Variants in TDRD7 observed in about 807,000 individuals in gnomAD.
The protein encoded by TDRD7 is tudor domain-containing protein 7.
TDRD7 carries 47 observed loss-of-function variants against 109.8 expected under a neutral mutation model. That is an observed-to-expected ratio of 0.43 (90% confidence interval 0.34 to 0.55). The LOEUF (loss-of-function observed/expected upper bound fraction) is 0.55, where lower values mean the gene tolerates loss of function less well. Among genes scored for constraint, TDRD7 ranks in the 20% least tolerant of loss-of-function variants. The pLI, the probability that TDRD7 is intolerant of heterozygous loss-of-function variation, is 0.03. For synonymous variants in TDRD7, 424 were observed against 457.3 expected (o/e 0.93, Z 0.93); for missense variants, 1,164 against 1,319.2 (o/e 0.88, Z 1.82).
intron 16 of TDRD7, among the ~76,000 whole-genome samples, chr9:97,488,198 C>T (rs1337911570): frequency 6.6e-6 from 1 of 152,328 alleles, no homozygotes; most frequent in East Asian, 1.9e-4. Flanking sequence ...ACCCAGAGGC[C>T]TTGTAGCGTT....
At chr9:97,464,684 A>G (rs1485534879) in intron 7 of TDRD7, among the ~76,000 whole-genome samples, 158 bp from the exon 8 acceptor site, 2 of 152,128 alleles carry the variant, frequency 1.3e-5, no homozygotes, top group African/African-American at 2.4e-5. Context: ...AGAGATAAGT[A>G]TTTCACTGAA....
chr9:97,486,769 G>A (rs988209484), intron 15 of TDRD7, among the ~76,000 whole-genome samples: 3 of 151,970 alleles, frequency 2.0e-5, no homozygotes, highest in African/African-American at 2.4e-5. Context: ...TCTTTCCATC[G>A]TCCAAGCATG....
chr9:97,433,388 G>A (rs1828138224), intron 4 of TDRD7, among the ~76,000 whole-genome samples: 1 of 151,894 alleles, frequency 6.6e-6, no homozygotes, highest in African/African-American at 2.4e-5. Flanking sequence ...TTGACCCAAA[G>A]TGCTAGTTGA....
At chr9:97,421,894 C>A (rs1228761219) in intron 1 of TDRD7, among the ~76,000 whole-genome samples, 4 of 152,044 alleles carry the variant, frequency 2.6e-5, no homozygotes, top group Non-Finnish European at 4.4e-5. Flanking sequence ...AAAGTCTTTG[C>A]CTAACCCAAG....
intron 9 of TDRD7, 86 bp from the exon 10 acceptor site, chr9:97,472,206 TA>T: frequency 8.2e-7 from 1 of 1,222,610 alleles, no homozygotes. Flanking sequence ...ATAATTTTAA[TA>T]ATGGTCAAAA....
intron 6 of TDRD7, among the ~76,000 whole-genome samples, chr9:97,449,027 A>G (rs965525849): frequency 6.6e-6 from 1 of 152,226 alleles, no homozygotes; most frequent in Non-Finnish European, 1.5e-5. Context: ...AACTAGAAAG[A>G]AAGAAGTAAA....
At chr9:97,442,407 G>GA (rs1828322158) in intron 6 of TDRD7, among the ~76,000 whole-genome samples, 2 of 151,664 alleles carry the variant, frequency 1.3e-5, no homozygotes, top group African/African-American at 2.4e-5. Flanking sequence ...TTGGAAATTA[G>GA]AAAAAAAATT....
chr9:97,431,147 T>A, intron 3 of TDRD7, 73 bp downstream of exon 3: 10 of 1,587,714 alleles, frequency 6.3e-6, no homozygotes, highest in Non-Finnish European at 8.6e-6. Context: ...TATGGAAATA[T>A]TGTTTGTATT....
chr9:97,476,013 G>A (rs553163443), intron 12 of TDRD7, among the ~76,000 whole-genome samples: 16 of 152,240 alleles, frequency 1.1e-4, no homozygotes, highest in South Asian at 4.1e-4. Context: ...CCTGATGATG[G>A]ATATTTAGAT....
intron 2 of TDRD7, among the ~76,000 whole-genome samples, chr9:97,429,989 G>T (rs1014462367): frequency 2.6e-5 from 4 of 151,970 alleles, no homozygotes; most frequent in African/African-American, 9.7e-5. Flanking sequence ...GGTAACATTT[G>T]TTTTTTTAAA....
intron 16 of TDRD7, among the ~76,000 whole-genome samples, chr9:97,493,952 A>T (rs902449739): frequency 5.9e-5 from 9 of 152,136 alleles, no homozygotes; most frequent in Non-Finnish European, 8.8e-5. Context: ...AGGTGCCCAG[A>T]TTTCATATTG....
chr9:97,486,311 G>A lies in TDRD7; in HGVS notation c.2916-861G>A, dbSNP rs373917315. 4.6e-5 allele frequency among the ~76,000 whole-genome samples: 7 copies of A among 152,230 alleles called. No homozygotes were observed. In the South Asian group the frequency reaches 1.2e-3, roughly 27 times the overall value. On this transcript the variant is annotated intron_variant, in intron 15 of 16. Coordinates refer to ENST00000355295, the MANE Select transcript of TDRD7 (RefSeq NM_014290.3). ...TTTTAATCATGTATTTGAGACTATA[G>A]GACTTTAAAGTGATCTTTCATTATT...
At chr9:97,415,189 C>G (rs1226675329) in intron 1 of TDRD7, among the ~76,000 whole-genome samples, 1 of 152,178 alleles carries the variant, frequency 6.6e-6, no homozygotes, top group Non-Finnish European at 1.5e-5. Context: ...ACAACTTAAA[C>G]TGATGACATG....
chr9:97,431,255 G>A (rs1587862353), intron 3 of TDRD7, among the ~76,000 whole-genome samples, 181 bp downstream of exon 3: 1 of 152,326 alleles, frequency 6.6e-6, no homozygotes, highest in South Asian at 2.1e-4. Context: ...CGCTGAGCAT[G>A]ACTTACTAAG....
intron 6 of TDRD7, among the ~76,000 whole-genome samples, chr9:97,444,752 G>T (rs1828370519): frequency 6.6e-6 from 1 of 152,010 alleles, no homozygotes; most frequent in East Asian, 1.9e-4. Flanking sequence ...TATATTAAAA[G>T]ATTGAAAAAT....
chr9:97,414,795 T>A (rs1827785514), intron 1 of TDRD7, among the ~76,000 whole-genome samples: 1 of 152,112 alleles, frequency 6.6e-6, no homozygotes, highest in Non-Finnish European at 1.5e-5. Context: ...AAGGAGTAAT[T>A]GAAGTGGTAA....
At chr9:97,431,128 A>G in intron 3 of TDRD7, 54 bp downstream of exon 3, 3 of 1,603,620 alleles carry the variant, frequency 1.9e-6, no homozygotes, top group Non-Finnish European at 1.7e-6. Flanking sequence ...ATACATTATC[A>G]TAGGGAATTA....
chr9:97,439,815 C>T (rs1162407027), intron 5 of TDRD7, among the ~76,000 whole-genome samples: 1 of 152,114 alleles, frequency 6.6e-6, no homozygotes, highest in East Asian at 1.9e-4. Context: ...GTAATAGAAT[C>T]CAAGTGGGCT....
chr9:97,454,896 G>GT (rs1200662767), intron 6 of TDRD7, among the ~76,000 whole-genome samples: 2 of 152,116 alleles, frequency 1.3e-5, no homozygotes, highest in African/African-American at 2.4e-5. Context: ...TCCAAGAGCA[G>GT]TTTTTCTTTT....
Sources: allele counts gnomAD v4.1 joint callset (sites outside exome capture counted in the v4.1 genomes callset), GRCh38; gene constraint gnomAD v4.1.1; transcripts MANE v1.5; gene names NCBI Gene and HGNC (gene_info 2026-07-23, HGNC 2026-07-21).